Variants in TMTC4 observed in about 807,000 individuals in gnomAD.
TMTC4 encodes the protein protein O-mannosyl-transferase TMTC4.
Under a neutral mutation model 86.0 loss-of-function variants are expected in TMTC4, and 65 were observed. That is an observed-to-expected ratio of 0.76 (90% confidence interval 0.62 to 0.93). The LOEUF (loss-of-function observed/expected upper bound fraction) is 0.93. Among genes scored for constraint, TMTC4 ranks in the 40% least tolerant of loss-of-function variants. The pLI is 0.00. For synonymous variants in TMTC4, 379 were observed against 382.5 expected (o/e 0.99, Z 0.11); for missense variants, 866 against 948.1 (o/e 0.91, Z 1.14).
At chr13:100,645,204 T>C (rs1449437938) in intron 6 of TMTC4, among the ~76,000 whole-genome samples, 2 of 152,174 alleles carry the variant, frequency 1.3e-5, no homozygotes, top group Non-Finnish European at 1.5e-5. Flanking sequence ...CTTGCTGAAG[T>C]GGCCACCGCG....
intron 3 of TMTC4, chr13:100,668,267 C>T (rs1886636703): frequency 9.7e-6 from 2 of 206,428 alleles, no homozygotes; most frequent in South Asian, 2.5e-4. Context: ...ATCTGGAATA[C>T]TAAGTCTGCA....
chr13:100,656,543 T>C, intron 5 of TMTC4, 75 bp from the exon 6 acceptor site: 1 of 188,514 alleles, frequency 5.3e-6, no homozygotes, highest in Non-Finnish European at 7.5e-6. Flanking sequence ...GAGACATAAC[T>C]TTTTTTTTTT....
At chr13:100,628,723 G>A (rs1234043573) in intron 12 of TMTC4, among the ~76,000 whole-genome samples, 4 of 152,092 alleles carry the variant, frequency 2.6e-5, no homozygotes, top group Non-Finnish European at 4.4e-5. Flanking sequence ...TTGGAACGAG[G>A]GCATCAGGGA....
At chr13:100,628,209 C>G (rs1880832954) in intron 12 of TMTC4, among the ~76,000 whole-genome samples, 1 of 152,206 alleles carries the variant, frequency 6.6e-6, no homozygotes, top group South Asian at 2.1e-4. Flanking sequence ...CCATTCTCAC[C>G]TCCACCAGAC....
chr13:100,637,738 T>C (rs761399333), intron 8 of TMTC4, 36 bp from the exon 9 acceptor site: 5 of 1,601,480 alleles, frequency 3.1e-6, no homozygotes, highest in Admixed American at 1.7e-5. Context: ...AGGTGGCTGA[T>C]TTTCACATAA....
At chr13:100,660,917 G>A (rs971078665) in intron 5 of TMTC4, among the ~76,000 whole-genome samples, 1 of 152,200 alleles carries the variant, frequency 6.6e-6, no homozygotes, top group Non-Finnish European at 1.5e-5. Context: ...GCCTCCCGAA[G>A]TGCTGTGATT....
chr13:100,640,935 G>A (rs938010801), intron 7 of TMTC4, among the ~76,000 whole-genome samples: 5 of 152,112 alleles, frequency 3.3e-5, no homozygotes, highest in African/African-American at 7.2e-5. Flanking sequence ...TGGTTAGAAT[G>A]GAGAAAAAGA....
intron 7 of TMTC4, among the ~76,000 whole-genome samples, chr13:100,639,896 C>T (rs1022178546): frequency 1.3e-5 from 2 of 152,054 alleles, no homozygotes; most frequent in East Asian, 1.9e-4. Flanking sequence ...GCTGAGATTG[C>T]ACCACTGCAC....
At chr13:100,612,664 C>G (rs546977484) in intron 16 of TMTC4, among the ~76,000 whole-genome samples, 154 bp from the exon 17 acceptor site, 3 of 112,424 alleles carry the variant, frequency 2.7e-5, no homozygotes, top group Admixed American at 2.5e-4. Context: ...TACACACACA[C>G]ACACACACAC....
At chr13:100,656,167 A>G (rs1885082884) in intron 6 of TMTC4, among the ~76,000 whole-genome samples, 1 of 152,248 alleles carries the variant, frequency 6.6e-6, no homozygotes, top group African/African-American at 2.4e-5. Context: ...GATAGGCCAC[A>G]GTGTGAACAC....
rs774472115 is a variant in TMTC4 at position 100,637,550 on chromosome 13, G to A, written c.987C>T (p.Ser329=). The part of the protein sequence containing the change: ...EVDNPASFAD[S]MLVRAVNYNY... ...GCTCAGAACTCACCCTCACCAGCAT[G>A]CTGTCAGCAAAGGAGGCCGGGTTGT... Residue 329 remains serine (S), a synonymous_variant, in exon 9 of 19, where the codon AGC becomes AGT. Transcript: ENST00000342624. 2.4e-5 allele frequency: 39 copies of A among 1,613,406 alleles called. No individual in the cohort carries two copies. The highest frequency in any genetic ancestry group is 3.3e-5 in the Non-Finnish European group (39 of 1,179,742).
rs1880352396 is a variant in TMTC4 at position 100,625,546 on chromosome 13, G to A, written c.1825C>T (p.Leu609Phe). The A allele has an allele frequency of 1.2e-6, 2 of 1,613,984 alleles. No individual in the cohort carries two copies. Among genetic ancestry groups the A allele is most frequent in the African/African-American group, 2.7e-5 (2 of 74,934 alleles). ...RRKYPDCYYN[L>F]GRLYADLNRH... Reference sequence around the variant, plus strand: ...CACCCCGCGCTTACCAGACGCCCGAGGTTGTAGTAACAGTCTGGGTATTTC... The same window carrying A: ...CACCCCGCGCTTACCAGACGCCCGAAGTTGTAGTAACAGTCTGGGTATTTC... Residue 609 changes from leucine to phenylalanine, a missense_variant, in exon 15 of 19, where the codon CTC becomes TTC. Leu to Phe is a conservative substitution (Grantham distance 22). Transcript: ENST00000342624.
In TMTC4 at chr13:100,674,662, CGG is replaced by C. The variant is rs1290727451; in HGVS notation, c.-208+80_-208+81del. The C allele has an allele frequency of 3.1e-6, 3 of 982,770 alleles. No individual in the cohort carries two copies. The African/African-American group carries it at 5.3e-5, about 17-fold the overall frequency. 60.9% of individuals were successfully genotyped at this position (982,770 alleles called of 1,614,324 possible). ...TGCGGGGCTCGGGACACGGCGGCAG[CGG>C]GGAACCCGCGCCCGCTCCGCGTCCA... On this transcript the variant is annotated intron_variant, in intron 1 of 18. Transcript: ENST00000342624.
At chr13:100,673,081 G>T (rs9518129) in intron 1 of TMTC4, among the ~76,000 whole-genome samples, 1 of 151,978 alleles carries the variant, frequency 6.6e-6, no homozygotes, top group African/African-American at 2.4e-5. Context: ...CCCTCAACAG[G>T]GGCTGAATCT....
At chr13:100,637,872 A>G (rs1433432924) in intron 8 of TMTC4, 58 bp downstream of exon 8, 15 of 1,549,980 alleles carry the variant, frequency 9.7e-6, no homozygotes, top group Non-Finnish European at 1.3e-5. Flanking sequence ...TGGCATTTTA[A>G]ATCAGCTGGT....
intron 16 of TMTC4, among the ~76,000 whole-genome samples, chr13:100,613,856 T>C (rs943543604): frequency 8.9e-5 from 12 of 135,542 alleles, no homozygotes; most frequent in African/African-American, 3.2e-4. Flanking sequence ...CCTTTTTTTT[T>C]GAGATGGCGT....
At chr13:100,646,355 G>A (rs1282934699) in intron 6 of TMTC4, among the ~76,000 whole-genome samples, 1 of 152,202 alleles carries the variant, frequency 6.6e-6, no homozygotes, top group Non-Finnish European at 1.5e-5. Flanking sequence ...CAAAAGGGGT[G>A]CAATAAGCTT....
At chr13:100,637,905 G>A in intron 8 of TMTC4, 25 bp downstream of exon 8, 1 of 1,578,420 alleles carries the variant, frequency 6.3e-7, no homozygotes, top group Non-Finnish European at 8.7e-7. Flanking sequence ...CCATGTCTGG[G>A]CTGGAGATAA....
chr13:100,660,330 CA>C (rs56177115), intron 5 of TMTC4, among the ~76,000 whole-genome samples: 22 of 131,138 alleles, frequency 1.7e-4, no homozygotes, highest in South Asian at 2.4e-4. Context: ...GACTGTGTAT[CA>C]AAAAAAAAAA....
Sources: allele counts gnomAD v4.1 joint callset (sites outside exome capture counted in the v4.1 genomes callset), GRCh38; gene constraint gnomAD v4.1.1; transcripts MANE v1.5; gene names NCBI Gene and HGNC (gene_info 2026-07-23, HGNC 2026-07-21).